The following OR5V1 variants were observed in gnomAD, a reference collection of about 807,000 sequenced individuals.
The protein encoded by OR5V1 is olfactory receptor 5V1.
For missense variants in OR5V1, 365 were observed against 371.5 expected, an observed-to-expected ratio of 0.98 and a Z score of 0.14; for synonymous variants, 134 against 143.2, an observed-to-expected ratio of 0.94 and a Z score of 0.46.
chr6:29,355,199 T>C lies in OR5V1; in HGVS notation c.*31A>G. 2 of 1,530,490 alleles carry C rather than the reference T, an allele frequency of 1.3e-6. No homozygotes were observed. The highest frequency in any genetic ancestry group is 1.7e-6 in the Non-Finnish European group (2 of 1,144,780). 94.8% of individuals were successfully genotyped at this position (1,530,490 alleles called of 1,614,324 possible). A position where few individuals can be genotyped will look rare whatever the true frequency, so the allele number is the denominator to read the frequency against. On this transcript the variant is annotated 3_prime_UTR_variant, in exon 2 of 2. Transcript: ENST00000641768. ...CAGCTGACTGGTGAAAAAGTTAATT[T>C]TGTAGTATAAGATTATTGAACCTGT...
intron 1 of OR5V1, among the ~76,000 whole-genome samples, chr6:29,360,847 C>G (rs1778533843): frequency 6.6e-6 from 1 of 152,140 alleles, no homozygotes; most frequent in African/African-American, 2.4e-5. Context: ...GCTGAAAATT[C>G]CAAAAACATT....
At chr6:29,359,846 T>C (rs1198396887) in intron 1 of OR5V1, among the ~76,000 whole-genome samples, 1 of 152,162 alleles carries the variant, frequency 6.6e-6, no homozygotes, top group African/African-American at 2.4e-5. Context: ...CAAAACTGGG[T>C]GGCTGTTTGG....
At chr6:29,361,581 C>G (rs532126455) in intron 1 of OR5V1, among the ~76,000 whole-genome samples, 8 of 152,138 alleles carry the variant, frequency 5.3e-5, no homozygotes, top group Non-Finnish European at 1.2e-4. Context: ...AACAGTGGAT[C>G]TCTCCGCAGA....
At chr6:29,364,576 A>C (rs1409752461) in intron 1 of OR5V1, among the ~76,000 whole-genome samples, 1 of 71,360 alleles carries the variant, frequency 1.4e-5, no homozygotes, top group African/African-American at 4.0e-5. Flanking sequence ...AGGCGGGCGG[A>C]TCACGAGGTC....
In OR5V1 at chr6:29,355,121, C is replaced by G; in HGVS notation, c.*109G>C. Reference sequence around the variant, plus strand: ...GTACACTTAGACTGGAGTGTATCAACTCTTCAATATCTGTCCCAACATTGC... The same window carrying G: ...GTACACTTAGACTGGAGTGTATCAAGTCTTCAATATCTGTCCCAACATTGC... On this transcript the variant is annotated 3_prime_UTR_variant, in exon 2 of 2. Coordinates refer to ENST00000641768, the MANE Select transcript of OR5V1 (RefSeq NM_030876.6). The G allele has an allele frequency of 9.2e-7, 1 of 1,085,118 alleles. No individual in the cohort carries two copies. The highest frequency in any genetic ancestry group is 2.8e-5 in the Admixed American group (1 of 35,180). The allele number at this position is 1,085,118 out of a possible 1,614,324, so 67.2% of individuals were successfully genotyped here.
At chr6:29,367,770 T>C (rs1778923524) in intron 1 of OR5V1, among the ~76,000 whole-genome samples, 2 of 152,176 alleles carry the variant, frequency 1.3e-5, no homozygotes, top group Admixed American at 6.6e-5. Flanking sequence ...TAGGCATAGA[T>C]TGACCCTGAG....
chr6:29,362,976 C>T (rs748327086), intron 1 of OR5V1, among the ~76,000 whole-genome samples: 1 of 151,928 alleles, frequency 6.6e-6, no homozygotes, highest in Non-Finnish European at 1.5e-5. Context: ...GATAGAGACA[C>T]GAAAAACCCT....
chr6:29,356,671 A>T (rs1173460197), intron 1 of OR5V1, among the ~76,000 whole-genome samples: 1 of 152,106 alleles, frequency 6.6e-6, no homozygotes, highest in Non-Finnish European at 1.5e-5. Flanking sequence ...TTCTTTTCCG[A>T]TTAAAATTAA....
chr6:29,360,513 A>C (rs967762892), intron 1 of OR5V1, among the ~76,000 whole-genome samples: 2 of 152,176 alleles, frequency 1.3e-5, no homozygotes, highest in Non-Finnish European at 2.9e-5. Flanking sequence ...GGGTTGACAG[A>C]CACCTCATAG....
Position 29,356,022 on chromosome 6 carries a change from A to C in OR5V1, c.174T>G (p.Pro58=), listed in dbSNP as rs1405334764. The change falls in exon 2 of 2, where the codon CCT becomes CCG. Residue 58 remains proline (P), a synonymous_variant. Transcript: ENST00000641768. ...TTVTDPHLHT[P]MYYFLGNLAF... ...CCAAGTTCCCTAGAAAATAATACAT[A>C]GGTGTATGCAGGTGTGGATCAGTCA... 2 of 1,613,956 alleles carry C rather than the reference A, an allele frequency of 1.2e-6. No homozygotes were observed. The highest frequency in any genetic ancestry group is 1.7e-6 in the Non-Finnish European group (2 of 1,179,966).
At chr6:29,357,805 C>T (rs367806435) in intron 1 of OR5V1, among the ~76,000 whole-genome samples, 3 of 152,126 alleles carry the variant, frequency 2.0e-5, no homozygotes, top group East Asian at 3.9e-4. Flanking sequence ...TAGGGAGAAT[C>T]CCCTAATTTA....
At position 29,355,533 on chromosome 6, in the gene OR5V1, T is replaced by C; in HGVS notation, c.663A>G (p.Ile221Met). 6.2e-7 allele frequency: 1 copy of C among 1,614,012 alleles called. No homozygotes were observed. The highest frequency in any genetic ancestry group is 1.3e-5 in the African/African-American group (1 of 75,050). The change falls in exon 2 of 2, where the codon ATA (isoleucine) becomes ATG (methionine). Residue 221 changes from isoleucine to methionine, a missense_variant. Ile to Met is a conservative substitution (Grantham distance 10, BLOSUM62 1). Transcript: ENST00000641768. ...FLCIVLSYIC[I>M]ISTILRIQSS... ...ACTGGATCCTCAAGATGGTGGAGAT[T>C]ATGCAAATGTAGGAAAGTACGATAC...
chr6:29,355,217 G>T lies in OR5V1; in HGVS notation c.*13C>A, dbSNP rs1262959429. 6.4e-7 allele frequency: 1 copy of T among 1,552,512 alleles called. No individual in the cohort carries two copies. Among genetic ancestry groups the T allele is most frequent in the East Asian group, 2.2e-5 (1 of 44,548 alleles). On this transcript the variant is annotated 3_prime_UTR_variant, in exon 2 of 2. Transcript: ENST00000641768. The stretch of plus-strand genomic sequence containing the variant: ...GTTAATTTTGTAGTATAAGATTATT[G>T]AACCTGTGAGGTTCAATAAGTGAGT...
At chr6:29,360,402 G>T (rs1240072528) in intron 1 of OR5V1, among the ~76,000 whole-genome samples, 1 of 152,210 alleles carries the variant, frequency 6.6e-6, no homozygotes, top group African/African-American at 2.4e-5. Flanking sequence ...GACAAGGAGG[G>T]TTCTCCCAGC....
chr6:29,355,858 A>G lies in OR5V1; in HGVS notation c.338T>C (p.Leu113Pro). ...AFVFFVGSECLLLAAMAYDRY... is the reference protein window; with the variant it reads ...AFVFFVGSECPLLAAMAYDRY... ...ATCATATGCCATTGCTGCCAGTAGG[A>G]GACACTCTGATCCTACAAAGAAAAC... is the stretch of plus-strand genomic sequence containing the variant. The change falls in exon 2 of 2, where the codon CTC becomes CCC. Residue 113 changes from leucine to proline, a missense_variant. Coordinates refer to ENST00000641768, the MANE Select transcript of OR5V1 (RefSeq NM_030876.6). 1 of 1,614,054 alleles carries G rather than the reference A, an allele frequency of 6.2e-7. No homozygotes were observed. The highest frequency in any genetic ancestry group is 8.5e-7 in the Non-Finnish European group (1 of 1,179,958).
At chr6:29,365,708 A>T (rs533412768) in intron 1 of OR5V1, among the ~76,000 whole-genome samples, 23 of 152,294 alleles carry the variant, frequency 1.5e-4, no homozygotes, top group African/African-American at 5.3e-4. Context: ...TGTTGATGGG[A>T]GTGTAAATTA....
intron 1 of OR5V1, among the ~76,000 whole-genome samples, chr6:29,365,629 G>C (rs1778815073): frequency 6.6e-6 from 1 of 152,182 alleles, no homozygotes; most frequent in South Asian, 2.1e-4. Context: ...AGTTTGAATG[G>C]AAATCATTAA....
intron 1 of OR5V1, among the ~76,000 whole-genome samples, chr6:29,361,550 C>T (rs900624844): frequency 2.0e-5 from 3 of 152,020 alleles, no homozygotes; most frequent in Non-Finnish European, 2.9e-5. Flanking sequence ...AGGTTACCTA[C>T]AAAGGGAAGC....
At position 29,355,641 on chromosome 6, in the gene OR5V1, C is replaced by T. The variant is rs1490840322; in HGVS notation, c.555G>A (p.Leu185=). 2 of 1,613,962 alleles carry T rather than the reference C, an allele frequency of 1.2e-6. No individual in the cohort carries two copies. Among genetic ancestry groups the T allele is most frequent in the East Asian group, 2.2e-5 (1 of 44,882 alleles). Residue 185 remains leucine, a synonymous_variant, in exon 2 of 2, where the codon CTG becomes CTA. Transcript: ENST00000641768. ...NYFFCDIPPL[L]ILSCGNTSVN... ...CAGAAGTGTTTCCACAAGACAAGAT[C>T]AGCAAAGGGGGGATGTCACAGAAGA...
Sources: gnomAD v4.1 joint callset for allele counts (sites outside exome capture counted in the v4.1 genomes callset) on GRCh38, gnomAD v4.1.1 for gene constraint, MANE v1.5 for transcripts, NCBI Gene and HGNC (gene_info 2026-07-23, HGNC 2026-07-21) for gene names.